Variants in ADSS2 observed in about 807,000 individuals in gnomAD.
The protein encoded by ADSS2 is adenylosuccinate synthase 2, also known as adenylosuccinate synthetase isozyme 2.
ADSS2 carries 30 observed loss-of-function variants against 60.0 expected under a neutral mutation model. That is an observed-to-expected ratio of 0.50 (90% CI 0.37 to 0.68). The LOEUF is 0.68. Ranked by LOEUF, ADSS2 falls within the 30% of genes least tolerant of loss-of-function variation. The pLI, the probability that ADSS2 is intolerant of heterozygous loss-of-function variation, is 0.00. For synonymous variants in ADSS2, 187 were observed against 193.1 expected (o/e 0.97, Z 0.26); for missense variants, 373 against 554.8 (o/e 0.67, Z 3.29).
chr1:244,443,835 A>G (rs1301148739), intron 1 of ADSS2, among the ~76,000 whole-genome samples: 1 of 152,218 alleles, frequency 6.6e-6, no homozygotes, highest in African/African-American at 2.4e-5. Flanking sequence ...GGAGTGGCAG[A>G]GTGGCGGAGC....
chr1:244,441,580 G>A (rs182624527), intron 1 of ADSS2, among the ~76,000 whole-genome samples: 217 of 152,126 alleles, frequency 1.4e-3, no homozygotes, highest in African/African-American at 4.8e-3. Flanking sequence ...GGGCTCAAGC[G>A]ATCCTCCTGT....
intron 3 of ADSS2, among the ~76,000 whole-genome samples, chr1:244,434,282 G>T (rs1009387561): frequency 2.0e-5 from 3 of 151,520 alleles, no homozygotes; most frequent in African/African-American, 7.3e-5. Context: ...CTTGAGCCCA[G>T]AAGGTAGAGG....
chr1:244,424,402 A>T lies in ADSS2; in HGVS notation c.407-15T>A. 4.3e-6 allele frequency: 7 copies of T among 1,609,396 alleles called. No individual in the cohort carries two copies. The highest frequency in any genetic ancestry group is 6.0e-6 in the Non-Finnish European group (7 of 1,176,418). ...AAAATCAAATACTGAGGGGAAATAA[A>T]ACCACAGTTGTTGAAACAAAGATAA... On this transcript the variant is annotated splice_polypyrimidine_tract_variant and intron_variant, in intron 4 of 12. Transcript: ENST00000366535.
chr1:244,417,883 T>C (rs1274018900), intron 9 of ADSS2, 131 bp from the exon 10 acceptor site: 8 of 816,944 alleles, frequency 9.8e-6, no homozygotes, highest in African/African-American at 3.5e-5. Flanking sequence ...AAATTGAAGA[T>C]AGAATTCCAC....
chr1:244,409,060 G>C lies in ADSS2; in HGVS notation c.*526C>G, dbSNP rs1664352142. Reference sequence around the variant, plus strand: ...TTTTGCATGGTTTCAGCAGAAAATAGACAGCCCAAAATTTAAACAGAATTC... The same window carrying C: ...TTTTGCATGGTTTCAGCAGAAAATACACAGCCCAAAATTTAAACAGAATTC... On this transcript the variant is annotated 3_prime_UTR_variant, in exon 13 of 13. Transcript: ENST00000366535. The C allele has an allele frequency of 6.6e-6, 1 of 152,562 alleles. No homozygotes were observed. Among genetic ancestry groups the C allele is most frequent in the Admixed American group, 6.6e-5 (1 of 15,256 alleles). The allele number at this position is 152,562 out of a possible 1,614,324, so 9.5% of individuals were successfully genotyped here. A position where few individuals can be genotyped will look rare whatever the true frequency, so the allele number is the denominator to read the frequency against.
chr1:244,451,064 T>C lies in ADSS2; in HGVS notation c.183+571A>G, dbSNP rs1027094203. 6.6e-6 allele frequency among the ~76,000 whole-genome samples: 1 copy of C among 152,142 alleles called. No individual in the cohort carries two copies. The highest frequency in any genetic ancestry group is 6.5e-5 in the Admixed American group (1 of 15,286). The stretch of plus-strand genomic sequence containing the variant: ...GTCCAAAGCCCAGAGGTGGGTGGGT[T>C]TGGATGTCAACAAAGTGGACCAGAG... On this transcript the variant is annotated intron_variant, in intron 1 of 12. Coordinates refer to ENST00000366535, the MANE Select transcript of ADSS2 (RefSeq NM_001126.5). The surrounding 1 kb of genome is among the most constrained non-coding windows in gnomAD (Gnocchi z 6.6).
In ADSS2 at chr1:244,432,477, A is replaced by G. The variant is rs905216031; in HGVS notation, c.406+68T>C. 14 of 1,187,512 alleles carry G rather than the reference A, an allele frequency of 1.2e-5. No individual in the cohort carries two copies. The South Asian group carries it at 1.8e-4, about 16-fold the overall frequency. The allele number at this position is 1,187,512 out of a possible 1,614,324, so 73.6% of individuals were successfully genotyped here. On this transcript the variant is annotated intron_variant, in intron 4 of 12. Transcript: ENST00000366535. The stretch of plus-strand genomic sequence containing the variant: ...AAAATAAAAGACAAAATTAGTTACT[A>G]AATACTTTCATTTGATAAATTTCAG...
intron 11 of ADSS2, among the ~76,000 whole-genome samples, chr1:244,414,421 C>T (rs1474898190): frequency 6.6e-6 from 1 of 152,130 alleles, no homozygotes; most frequent in African/African-American, 2.4e-5. Context: ...TAAAAATTCA[C>T]CAGTGGGTTT....
intron 3 of ADSS2, among the ~76,000 whole-genome samples, chr1:244,435,008 A>T (rs1249312975): frequency 1.3e-5 from 2 of 151,716 alleles, no homozygotes; most frequent in East Asian, 1.9e-4. Flanking sequence ...CTCTACTAAA[A>T]ATACAAAAAA....
In ADSS2 at chr1:244,409,881, C is replaced by T. The variant is rs116708937; in HGVS notation, c.1319-243G>A. On this transcript the variant is annotated intron_variant, in intron 12 of 12. Coordinates refer to ENST00000366535, the MANE Select transcript of ADSS2 (RefSeq NM_001126.5). ...TTTAACTGTGCAATATTTTCACTTT[C>T]CTAATGACTTAGGATAGTAAAATAT... is the stretch of plus-strand genomic sequence containing the variant. Among the ~76,000 whole-genome samples, 916 of 152,264 alleles carry T rather than the reference C, an allele frequency of 6.0e-3. 9 individuals carry two copies. Among genetic ancestry groups the T allele is most frequent in the African/African-American group, 0.021 (866 of 41,550 alleles).
At chr1:244,434,935 G>A (rs575896085) in intron 3 of ADSS2, among the ~76,000 whole-genome samples, 1 of 151,984 alleles carries the variant, frequency 6.6e-6, no homozygotes, top group African/African-American at 2.4e-5. Flanking sequence ...TTGGGAGGCC[G>A]AGGCAGGTGG....
intron 1 of ADSS2, among the ~76,000 whole-genome samples, chr1:244,441,536 G>T (rs548223265): frequency 6.6e-6 from 1 of 152,132 alleles, no homozygotes; most frequent in South Asian, 2.1e-4. Flanking sequence ...TAGAGATGGG[G>T]TCTCACTATA....
At chr1:244,427,823 A>G (rs1214023922) in intron 4 of ADSS2, among the ~76,000 whole-genome samples, 1 of 152,196 alleles carries the variant, frequency 6.6e-6, no homozygotes, top group African/African-American at 2.4e-5. Flanking sequence ...CAGCATCAAA[A>G]CTTTCCTACT....
Position 244,451,410 on chromosome 1 carries a change from T to TC in ADSS2, c.183+224dup, listed in dbSNP as rs879287137. 4.6e-5 allele frequency among the ~76,000 whole-genome samples: 7 copies of TC among 151,808 alleles called. No individual in the cohort carries two copies. The highest frequency in any genetic ancestry group is 6.6e-5 in the Admixed American group (1 of 15,252). On this transcript the variant is annotated intron_variant, in intron 1 of 12. Transcript: ENST00000366535. The surrounding 1 kb of genome is among the most constrained non-coding windows in gnomAD (Gnocchi z 6.6). ...AAAGGCTCCCCGCCAGCCCACCTCT[T>TC]CCTCCAGGGCCACCCCAAGTTTCAC...
At chr1:244,436,795 T>C (rs1030095868) in intron 3 of ADSS2, 30 bp downstream of exon 3, 1 of 1,562,242 alleles carries the variant, frequency 6.4e-7, no homozygotes, top group Admixed American at 1.7e-5. Flanking sequence ...AAAGAACAAC[T>C]GGTTACCAAG....
rs527293958 is a variant in ADSS2 at position 244,437,112 on chromosome 1, G to A, written c.287-219C>T. 3.3e-5 allele frequency among the ~76,000 whole-genome samples: 5 copies of A among 152,270 alleles called. No homozygotes were observed. The East Asian group carries it at 9.6e-4, about 29-fold the overall frequency. ...ATTTCTTGAAAACAAAGTGAAATAT[G>A]ATTTTGAAGGAAACTAATTATGTAA... On this transcript the variant is annotated intron_variant, in intron 2 of 12. Coordinates refer to ENST00000366535, the MANE Select transcript of ADSS2 (RefSeq NM_001126.5).
chr1:244,411,046 C>G (rs968584578), intron 12 of ADSS2, among the ~76,000 whole-genome samples: 1 of 151,924 alleles, frequency 6.6e-6, no homozygotes, highest in African/African-American at 2.4e-5. Context: ...ATGGTGAAAC[C>G]CCGTCTCTTA....
chr1:244,441,301 G>T (rs1331461502), intron 1 of ADSS2, among the ~76,000 whole-genome samples: 1 of 151,928 alleles, frequency 6.6e-6, no homozygotes, highest in African/African-American at 2.4e-5. Context: ...TTTGTGATCC[G>T]CCCGCCTCGG....
At chr1:244,438,185 G>A (rs1245714003) in intron 1 of ADSS2, among the ~76,000 whole-genome samples, 2 of 152,146 alleles carry the variant, frequency 1.3e-5, no homozygotes, top group African/African-American at 4.8e-5. Context: ...CTAACTTGAT[G>A]TAAATATTCA....
Sources: gnomAD v4.1 joint callset for allele counts (sites outside exome capture counted in the v4.1 genomes callset) on GRCh38, gnomAD v4.1.1 for gene constraint, Gnocchi (gnomAD v3.1) non-coding constraint, MANE v1.5 for transcripts, NCBI Gene and HGNC (gene_info 2026-07-23, HGNC 2026-07-21) for gene names.